ITIH6: variants seen among roughly 807,000 people sequenced by gnomAD.
ITIH6 encodes inter-alpha-trypsin inhibitor heavy chain family member 6.
Under a neutral mutation model 58.2 loss-of-function variants are expected in ITIH6, and 60 were observed. That is an observed-to-expected ratio of 1.03 (90% CI 0.84 to 1.28). The LOEUF (loss-of-function observed/expected upper bound fraction) is 1.28, where lower values mean the gene tolerates loss of function less well. Among genes scored for constraint, ITIH6 ranks in the 50% most tolerant of loss-of-function variants. ITIH6 has a pLI of 0.00. For missense variants in ITIH6, 1,290 were observed against 1,021.1 expected (o/e 1.26, Z -3.59); for synonymous variants, 493 against 417.4 (o/e 1.18, Z -2.21).
Position 54,751,250 on chromosome X carries a change from G to A in ITIH6, c.3483C>T (p.Arg1161=). Residue 1161 remains arginine (R), a synonymous_variant, in exon 12 of 13, where the codon CGC becomes CGT. Coordinates refer to ENST00000218436, the MANE Select transcript of ITIH6 (RefSeq NM_198510.3). ...CCTCGCCTCGCAAAGATATAGAACT[G>A]CGGCTGATGGTGATAGTATAGGCCC... ...KPRAYTITIS[R]SSISLRGEGT... The A allele has an allele frequency of 8.3e-7, 1 of 1,211,816 alleles. No homozygotes were observed. The highest frequency in any genetic ancestry group is 1.8e-5 in the South Asian group (1 of 56,975).
At chrX:54,762,907 A>G (rs1456123678) in intron 6 of ITIH6, among the ~76,000 whole-genome samples, 1 of 111,547 alleles carries the variant, frequency 9.0e-6, no homozygotes, top group Non-Finnish European at 1.9e-5. Flanking sequence ...ACTGTGCTTA[A>G]CCCTTTTGAT....
chrX:54,752,578 A>T (rs947140202), intron 11 of ITIH6, among the ~76,000 whole-genome samples: 1 of 112,109 alleles, frequency 8.9e-6, no homozygotes, highest in African/African-American at 3.2e-5. Flanking sequence ...AACAACAGAA[A>T]CAATAGCCAA....
intron 6 of ITIH6, among the ~76,000 whole-genome samples, chrX:54,767,917 C>A (rs1314915592): frequency 1.3e-5 from 1 of 78,904 alleles, no homozygotes; most frequent in African/African-American, 6.1e-5. Flanking sequence ...CCGCTTGGTG[C>A]AGAGCTGAGT....
At chrX:54,784,530 A>C (rs1929208940) in intron 5 of ITIH6, among the ~76,000 whole-genome samples, 1 of 112,244 alleles carries the variant, frequency 8.9e-6, no homozygotes, top group South Asian at 3.7e-4. Context: ...AAAGGGCAAA[A>C]GATTTGAATA....
In ITIH6 at chrX:54,758,526, C is replaced by T; in HGVS notation, c.1548G>A (p.Leu516=). Residue 516 remains leucine (L), a synonymous_variant, in exon 8 of 13, where the codon CTG becomes CTA. Transcript: ENST00000218436. ...GGCCACGGGCTGCCAGGTGGATGCC[C>T]AGTTCCTGTTTGCCTGGCTGCACCT... ...AGQVQPGKQE[L]GIHLAARGPK... 8.3e-7 allele frequency: 1 copy of T among 1,211,256 alleles called. No homozygotes were observed. Among genetic ancestry groups the T allele is most frequent in the Non-Finnish European group, 1.1e-6 (1 of 895,341 alleles).
chrX:54,756,043 TTGGGGTGG>T (rs1304557575), intron 8 of ITIH6, among the ~76,000 whole-genome samples: 1 of 110,966 alleles, frequency 9.0e-6, no homozygotes, highest in Admixed American at 9.5e-5. Flanking sequence ...ACAGTGACAC[TTGGGGTGG>T]TGGGAAGTGG....
chrX:54,798,139 T>A lies in ITIH6; in HGVS notation c.72A>T (p.Gly24=). The A allele has an allele frequency of 8.4e-7, 1 of 1,191,130 alleles. No individual in the cohort carries two copies. The highest frequency in any genetic ancestry group is 1.1e-6 in the Non-Finnish European group (1 of 885,096). The part of the protein sequence containing the change: ...LTILLELTYQ[G]PPVPASSSTK... The stretch of plus-strand genomic sequence containing the variant: ...TGCTTGATGAAGCGGGGACAGGGGG[T>A]CCCTGGTATGTCAGTTCAAGAAGAA... The change falls in exon 1 of 13, where the codon GGA becomes GGT. Residue 24 remains glycine, a synonymous_variant. Coordinates refer to ENST00000218436, the MANE Select transcript of ITIH6 (RefSeq NM_198510.3).
intron 4 of ITIH6, among the ~76,000 whole-genome samples, chrX:54,789,274 A>G (rs1929301248): frequency 9.0e-6 from 1 of 111,707 alleles, no homozygotes; most frequent in Admixed American, 9.5e-5. Flanking sequence ...TGGCCACAAG[A>G]TCAACTCCTC....
At chrX:54,759,480 G>A (rs1457075584) in intron 7 of ITIH6, among the ~76,000 whole-genome samples, 1 of 112,223 alleles carries the variant, frequency 8.9e-6, no homozygotes, top group Non-Finnish European at 1.9e-5. Flanking sequence ...TTTAAAGAAA[G>A]TTTAGCAAAT....
intron 5 of ITIH6, among the ~76,000 whole-genome samples, chrX:54,782,843 A>T (rs894954796): frequency 1.8e-5 from 2 of 111,038 alleles, no homozygotes; most frequent in African/African-American, 6.6e-5. Flanking sequence ...CTCATTCTAC[A>T]TGGTCAGTAT....
At chrX:54,751,495 T>G (rs1228803554) in intron 11 of ITIH6, 115 bp from the exon 12 acceptor site, 1 of 853,071 alleles carries the variant, frequency 1.2e-6, no homozygotes, top group Non-Finnish European at 1.6e-6. Context: ...GGCCGACTCC[T>G]GAGAGAACTA....
rs770472562 is a variant in ITIH6 at position 54,754,195 on chromosome X, CA to C, written c.3203-231del. On this transcript the variant is annotated intron_variant, in intron 9 of 12. Coordinates refer to ENST00000218436, the MANE Select transcript of ITIH6 (RefSeq NM_198510.3). ...GACCCTTTACTCCTGTTTTTCCTGC[CA>C]CCTGGAATGTTTTCCTTTCCCTTAA... Among the ~76,000 whole-genome samples, 4 of 111,556 alleles carry C rather than the reference CA, an allele frequency of 3.6e-5. No homozygotes were observed. The Admixed American group carries it at 3.8e-4, about 11-fold the overall frequency.
At chrX:54,754,333 G>A (rs954895404) in intron 9 of ITIH6, among the ~76,000 whole-genome samples, 1 of 111,857 alleles carries the variant, frequency 8.9e-6, no homozygotes, top group Non-Finnish European at 1.9e-5. Flanking sequence ...ATCTCTTGGT[G>A]TACACACTCT....
At chrX:54,751,838 T>C (rs1211753304) in intron 11 of ITIH6, among the ~76,000 whole-genome samples, 1 of 112,130 alleles carries the variant, frequency 8.9e-6, no homozygotes, top group Admixed American at 9.4e-5. Context: ...GATGTGTATA[T>C]GGAGTGTCAG....
chrX:54,783,248 A>G (rs1352018078), intron 5 of ITIH6, among the ~76,000 whole-genome samples: 3 of 112,263 alleles, frequency 2.7e-5, no homozygotes, highest in African/African-American at 9.7e-5. Context: ...AATGGGGAAA[A>G]ACTGAAAGCC....
At chrX:54,784,675 C>G (rs1186693190) in intron 5 of ITIH6, among the ~76,000 whole-genome samples, 1 of 111,647 alleles carries the variant, frequency 9.0e-6, no homozygotes, top group African/African-American at 3.3e-5. Context: ...TGGCTTCTAT[C>G]CCAGAGACAG....
chrX:54,791,974 T>C lies in ITIH6; in HGVS notation c.320A>G (p.Tyr107Cys). ...CTTTCCCTGCTGATGGGCTTCTTCA[T>C]AGATTTTCTTTGCCTGGTGCTTCTC... ...VKEKHQAKKI[Y>C]EEAHQQGKTA... Residue 107 changes from tyrosine (Y) to cysteine (C), a missense_variant, in exon 3 of 13, where the codon TAT becomes TGT. Transcript: ENST00000218436. The C allele has an allele frequency of 2.5e-6, 3 of 1,208,078 alleles. No homozygotes were observed. Among genetic ancestry groups the C allele is most frequent in the Non-Finnish European group, 2.2e-6 (2 of 892,058 alleles).
Position 54,751,366 on chromosome X carries a change from C to T in ITIH6, c.3367G>A (p.Gly1123Arg), listed in dbSNP as rs532111753. The change falls in exon 12 of 13, where the codon GGG becomes AGG. Residue 1123 changes from glycine to arginine, a missense_variant. Gly to Arg is a moderately radical substitution (Grantham distance 125). Transcript: ENST00000218436. ...CTTGGTGGTGCGCCAAGCAGCTTCCCACTCACATGCAGCCCTGGAGGGAGG... is the reference window on the plus strand; with the variant it reads ...CTTGGTGGTGCGCCAAGCAGCTTCCTACTCACATGCAGCCCTGGAGGGAGG... ...EDPKAGLHVSGKLLGAPPRPG... is the reference protein window; with the variant it reads ...EDPKAGLHVSRKLLGAPPRPG... 4.7e-5 allele frequency: 57 copies of T among 1,209,737 alleles called. No homozygotes were observed. The Admixed American group carries it at 1.2e-3, about 26-fold the overall frequency.
rs767588217 is a variant in ITIH6 at position 54,770,929 on chromosome X, GTCTT to G, written c.903+3148_903+3151del. Among the ~76,000 whole-genome samples the G allele has an allele frequency of 4.6e-4, 51 of 111,418 alleles. No individual in the cohort carries two copies. In the East Asian group the frequency reaches 0.01, roughly 23 times the overall value. ...CCAAAATTTTTGTTTGTTTGAGAAA[GTCTT>G]TATTTTTTTTTCACTTTGGAAGAAT... On this transcript the variant is annotated intron_variant, in intron 6 of 12. Coordinates refer to ENST00000218436, the MANE Select transcript of ITIH6 (RefSeq NM_198510.3).
Sources: gnomAD v4.1 joint callset for allele counts (sites outside exome capture counted in the v4.1 genomes callset) on GRCh38, gnomAD v4.1.1 for gene constraint, MANE v1.5 for transcripts, NCBI Gene and HGNC (gene_info 2026-07-23, HGNC 2026-07-21) for gene names.